The following KCNG3 variants were observed in gnomAD, a reference collection of about 807,000 sequenced individuals.
KCNG3 encodes potassium voltage-gated channel modifier subfamily G member 3.
In KCNG3, 15 loss-of-function variants were observed where a neutral mutation model predicts 29.0. The observed-to-expected ratio is 0.52, with a 90% CI of 0.35 to 0.80. The LOEUF (loss-of-function observed/expected upper bound fraction) is 0.80. Among genes scored for constraint, KCNG3 ranks in the 30% least tolerant of loss-of-function variants. KCNG3 has a pLI of 0.01. For missense variants in KCNG3, 512 were observed against 605.7 expected (o/e 0.85, Z 1.62); for synonymous variants, 322 against 248.9 (o/e 1.29, Z -2.76).
intron 1 of KCNG3, among the ~76,000 whole-genome samples, chr2:42,479,617 G>A (rs1437386622): frequency 2.0e-5 from 3 of 149,002 alleles, no homozygotes; most frequent in Non-Finnish European, 4.4e-5. Flanking sequence ...CTGCACTTCA[G>A]TCTGGGTGAC....
chr2:42,448,045 T>C (rs1672646764), intron 1 of KCNG3, among the ~76,000 whole-genome samples: 1 of 152,202 alleles, frequency 6.6e-6, no homozygotes, highest in Admixed American at 6.5e-5. Context: ...ATGTAAAGTA[T>C]TGTTGAACTT....
At chr2:42,490,273 T>C (rs1157326278) in intron 1 of KCNG3, among the ~76,000 whole-genome samples, 1 of 152,114 alleles carries the variant, frequency 6.6e-6, no homozygotes, top group Non-Finnish European at 1.5e-5. Context: ...TTAACTAGAA[T>C]TTATATAAAT....
intron 1 of KCNG3, among the ~76,000 whole-genome samples, chr2:42,476,319 T>A (rs998862331): frequency 6.7e-6 from 1 of 149,062 alleles, no homozygotes; most frequent in African/African-American, 2.5e-5. Context: ...AAAAAAAAAA[T>A]ACAAAAAATT....
At chr2:42,475,029 A>C (rs977790931) in intron 1 of KCNG3, among the ~76,000 whole-genome samples, 1 of 152,184 alleles carries the variant, frequency 6.6e-6, no homozygotes, top group Non-Finnish European at 1.5e-5. Context: ...CACACAGTAC[A>C]CAGGTGTTCA....
At chr2:42,391,741 T>C in the KCNG3 span, among the ~76,000 whole-genome samples, 1 of 149,346 alleles carries the variant, frequency 6.7e-6, no homozygotes, top group East Asian at 2.0e-4. Flanking sequence ...TAGCTGGGAC[T>C]ACAGGCGCCC....
chr2:42,492,324 C>T (rs1673901202), intron 1 of KCNG3, among the ~76,000 whole-genome samples: 1 of 152,152 alleles, frequency 6.6e-6, no homozygotes, highest in Non-Finnish European at 1.5e-5. Flanking sequence ...AATTAACCTG[C>T]TTTATAATAT....
the KCNG3 span, among the ~76,000 whole-genome samples, chr2:42,397,174 G>A: frequency 2.0e-5 from 3 of 151,856 alleles, no homozygotes; most frequent in African/African-American, 7.3e-5. Context: ...AAACCCGGAG[G>A]TGGAGGTTAC....
At chr2:42,441,199 A>C (rs1672472972), downstream of KCNG3, among the ~76,000 whole-genome samples, 1 of 151,668 alleles carries the variant, frequency 6.6e-6, no homozygotes, top group African/African-American at 2.4e-5. Flanking sequence ...TGGGCAACAC[A>C]GTGAGACCCC....
At chr2:42,447,262 AC>A in intron 1 of KCNG3, among the ~76,000 whole-genome samples, 1 of 151,378 alleles carries the variant, frequency 6.6e-6, no homozygotes, top group Non-Finnish European at 1.5e-5. Flanking sequence ...ATATATATGT[AC>A]ATACATGTAT....
the KCNG3 span, among the ~76,000 whole-genome samples, chr2:42,421,709 C>T: frequency 6.6e-6 from 1 of 152,080 alleles, no homozygotes; most frequent in Non-Finnish European, 1.5e-5. Context: ...CAAAATACCT[C>T]AGAATCTTAG....
At chr2:42,432,076 C>G in the KCNG3 span, among the ~76,000 whole-genome samples, 1 of 151,418 alleles carries the variant, frequency 6.6e-6, no homozygotes, top group Middle Eastern at 3.2e-3. Flanking sequence ...CTGTAAAGGA[C>G]CCCAGAATGG....
the KCNG3 span, among the ~76,000 whole-genome samples, chr2:42,415,836 C>A: frequency 1.3e-4 from 20 of 152,236 alleles, no homozygotes; most frequent in African/African-American, 4.8e-4. Context: ...ATAAGCCAGG[C>A]ATGGAAAGGC....
chr2:42,472,114 C>G (rs954925894), intron 1 of KCNG3, among the ~76,000 whole-genome samples: 1 of 152,116 alleles, frequency 6.6e-6, no homozygotes. Context: ...CAACTCCAAT[C>G]CTAGGTAGAT....
chr2:42,486,740 T>G (rs996634010), intron 1 of KCNG3, among the ~76,000 whole-genome samples: 1 of 152,208 alleles, frequency 6.6e-6, no homozygotes, highest in Non-Finnish European at 1.5e-5. Context: ...GCTGTCTGCT[T>G]CTATCACCAC....
downstream of KCNG3, among the ~76,000 whole-genome samples, chr2:42,441,795 T>C (rs537611693): frequency 4.0e-5 from 6 of 149,048 alleles, no homozygotes; most frequent in East Asian, 7.9e-4. Context: ...TATATATAGG[T>C]GTGTGTGTAT....
intron 1 of KCNG3, among the ~76,000 whole-genome samples, chr2:42,483,211 T>C (rs774357569): frequency 3.3e-5 from 5 of 152,192 alleles, no homozygotes; most frequent in Non-Finnish European, 7.3e-5. Context: ...AAATGTGTTA[T>C]TAATATAGGA....
intron 1 of KCNG3, chr2:42,463,887 C>T: frequency 3.3e-6 from 1 of 300,264 alleles, no homozygotes; most frequent in Non-Finnish European, 6.6e-6. Flanking sequence ...ATTCTAATCC[C>T]TTCTCAGATT....
chr2:42,454,675 G>T (rs957322940), intron 1 of KCNG3, among the ~76,000 whole-genome samples: 8 of 148,712 alleles, frequency 5.4e-5, no homozygotes, highest in Non-Finnish European at 1.2e-4. Context: ...TCGTGCCATT[G>T]TACTGGGCGA....
chr2:42,414,781 T>C, the KCNG3 span, among the ~76,000 whole-genome samples: 1 of 152,096 alleles, frequency 6.6e-6, no homozygotes, highest in Non-Finnish European at 1.5e-5. Flanking sequence ...ACTCTAAGAG[T>C]TGTCTTCAGT....
Sources: gnomAD v4.1 joint callset for allele counts (sites outside exome capture counted in the v4.1 genomes callset) on GRCh38, gnomAD v4.1.1 for gene constraint, MANE v1.5 for transcripts, NCBI Gene and HGNC (gene_info 2026-07-23, HGNC 2026-07-21) for gene names.